GALNTL6: variants seen among roughly 807,000 people sequenced by gnomAD.
GALNTL6 encodes the protein polypeptide N-acetylgalactosaminyltransferase like 6.
GALNTL6 carries 46 observed loss-of-function variants against 73.7 expected under a neutral mutation model. That is an observed-to-expected ratio of 0.62 (90% CI 0.49 to 0.80). The LOEUF (loss-of-function observed/expected upper bound fraction) is 0.80. GALNTL6 is among the 30% of genes least tolerant of loss of function. The probability of loss-of-function intolerance (pLI) is 0.00; values close to 1 mark genes in which losing one functional copy is unlikely to be tolerated. For synonymous variants in GALNTL6, 259 were observed against 263.7 expected (o/e 0.98, Z 0.17); for missense variants, 604 against 755.0 (o/e 0.80, Z 2.34).
chr4:171,843,851 A>T (rs1735305076), intron 2 of GALNTL6, among the ~76,000 whole-genome samples: 1 of 152,188 alleles, frequency 6.6e-6, no homozygotes, highest in South Asian at 2.1e-4. Flanking sequence ...TCAATAGTGT[A>T]ATTAGTGCTG....
rs1398524407 is a variant in GALNTL6, at chr4:173,040,751, TC to T, written c.*652del. On this transcript the variant is annotated 3_prime_UTR_variant, in exon 13 of 13. Transcript: ENST00000506823. ...TTCGTTTATATTTGCCATTTTTTTTTCAGAGCAAAGTTTCTTTTTTATGAAA... is the reference window on the plus strand; with the variant it reads ...TTCGTTTATATTTGCCATTTTTTTTTAGAGCAAAGTTTCTTTTTTATGAAA... 3 of 152,634 alleles carry T rather than the reference TC, an allele frequency of 2.0e-5. No individual in the cohort carries two copies. Among genetic ancestry groups the T allele is most frequent in the African/African-American group, 7.2e-5 (3 of 41,452 alleles). 9.5% of individuals were successfully genotyped at this position (152,634 alleles called of 1,614,324 possible). A position where few individuals can be genotyped will look rare whatever the true frequency, so the allele number is the denominator to read the frequency against.
intron 4 of GALNTL6, among the ~76,000 whole-genome samples, chr4:172,329,706 A>T (rs1741060903): frequency 2.0e-5 from 3 of 152,168 alleles, no homozygotes; most frequent in African/African-American, 7.2e-5. Context: ...TAGTCACCTC[A>T]GACCCCCTAG....
At chr4:172,564,373 G>T (rs1409599468) in intron 5 of GALNTL6, among the ~76,000 whole-genome samples, 1 of 152,198 alleles carries the variant, frequency 6.6e-6, no homozygotes, top group Non-Finnish European at 1.5e-5. Flanking sequence ...GTGGGAAAAA[G>T]ATTCCTTATG....
intron 11 of GALNTL6, among the ~76,000 whole-genome samples, chr4:173,014,699 T>C (rs1348680737): frequency 6.6e-6 from 1 of 152,018 alleles, no homozygotes; most frequent in Admixed American, 6.5e-5. Flanking sequence ...AAATAAAACA[T>C]CACAATCCAG....
At chr4:172,342,762 G>A (rs974213307) in intron 4 of GALNTL6, among the ~76,000 whole-genome samples, 3 of 152,180 alleles carry the variant, frequency 2.0e-5, no homozygotes, top group Admixed American at 1.3e-4. Flanking sequence ...GATTGATTTC[G>A]CTAGTGTCAT....
At chr4:172,211,057 T>G (rs861363) in intron 2 of GALNTL6, among the ~76,000 whole-genome samples, 148,627 of 152,254 alleles carry the variant, frequency 0.98, 72,655 homozygotes, top group East Asian at 1. Context: ...TCACATCCTT[T>G]TAGGTATTGG....
chr4:172,559,147 C>T (rs919186746), intron 5 of GALNTL6, among the ~76,000 whole-genome samples: 3 of 139,128 alleles, frequency 2.2e-5, no homozygotes, highest in Admixed American at 1.5e-4. Context: ...TCACTGCAAC[C>T]TCCACCTCCC....
chr4:173,022,070 G>GGAAGGAAAGAAGGAAGGAAGGAAA (rs1561091664), intron 12 of GALNTL6, among the ~76,000 whole-genome samples: 1 of 70,040 alleles, frequency 1.4e-5, no homozygotes, highest in African/African-American at 5.9e-5. Context: ...AAGGAAGGAA[G>GGAAGGAAAGAAGGAAGGAAGGAAA]GAAGGAAGGA....
chr4:171,836,635 A>G (rs1291957265), intron 2 of GALNTL6, among the ~76,000 whole-genome samples: 3 of 152,078 alleles, frequency 2.0e-5, no homozygotes, highest in African/African-American at 4.8e-5. Flanking sequence ...CAGATTTTTA[A>G]TATTTTGTTT....
At chr4:172,991,280 T>G (rs1751524162) in intron 10 of GALNTL6, among the ~76,000 whole-genome samples, 2 of 152,236 alleles carry the variant, frequency 1.3e-5, no homozygotes, top group African/African-American at 4.8e-5. Context: ...TGTAGTTGAT[T>G]TAAAAGGCAA....
Position 172,199,740 on chromosome 4 carries a change from A to ATT in GALNTL6, c.139-29911_139-29910dup, listed in dbSNP as rs561306407. 1.4e-3 allele frequency among the ~76,000 whole-genome samples: 207 copies of ATT among 152,098 alleles called. 1 individual carries two copies. The highest frequency in any genetic ancestry group is 4.3e-3 in the African/African-American group (177 of 41,472). ...AAATAGATCATATTTACTTTGAAAG[A>ATT]TTTTTTGTTGTTGTTGTTGTTTGTT... On this transcript the variant is annotated intron_variant, in intron 2 of 12. Coordinates refer to ENST00000506823, the MANE Select transcript of GALNTL6 (RefSeq NM_001034845.3).
At chr4:172,793,574 G>A (rs1740110911) in intron 5 of GALNTL6, among the ~76,000 whole-genome samples, 3 of 152,144 alleles carry the variant, frequency 2.0e-5, no homozygotes, top group African/African-American at 7.2e-5. Flanking sequence ...TATCTTTGCT[G>A]CAGCTCAAGG....
intron 2 of GALNTL6, among the ~76,000 whole-genome samples, chr4:171,972,450 G>C (rs2111066419): frequency 6.6e-6 from 1 of 152,104 alleles, no homozygotes; most frequent in Non-Finnish European, 1.5e-5. Context: ...GTACTGAGTT[G>C]TCTTTCAGAC....
At chr4:172,662,408 G>A (rs1246050653) in intron 5 of GALNTL6, among the ~76,000 whole-genome samples, 1 of 152,166 alleles carries the variant, frequency 6.6e-6, no homozygotes, top group Non-Finnish European at 1.5e-5. Flanking sequence ...GATCAGAATG[G>A]ACCTGTGTCA....
At chr4:172,804,272 C>G (rs1427762548) in intron 5 of GALNTL6, among the ~76,000 whole-genome samples, 1 of 152,184 alleles carries the variant, frequency 6.6e-6, no homozygotes, top group Non-Finnish European at 1.5e-5. Flanking sequence ...GATTAACCAG[C>G]AAATTTTAGA....
chr4:171,866,307 T>G (rs969592442), intron 2 of GALNTL6, among the ~76,000 whole-genome samples: 1 of 152,132 alleles, frequency 6.6e-6, no homozygotes, highest in Non-Finnish European at 1.5e-5. Flanking sequence ...TTTTAAATTT[T>G]TTTTCTTAAA....
intron 3 of GALNTL6, among the ~76,000 whole-genome samples, chr4:172,286,695 G>C (rs746540899): frequency 2.0e-5 from 3 of 152,136 alleles, no homozygotes; most frequent in Non-Finnish European, 2.9e-5. Context: ...GGAAGGCAGC[G>C]ATGGTGGTTG....
chr4:172,966,687 C>T (rs532385870), intron 10 of GALNTL6, among the ~76,000 whole-genome samples: 1 of 152,322 alleles, frequency 6.6e-6, no homozygotes, highest in Non-Finnish European at 1.5e-5. Context: ...CCACCGCGCC[C>T]AGCCCAGGGA....
chr4:172,891,071 G>A (rs77916056), intron 8 of GALNTL6, among the ~76,000 whole-genome samples: 2,131 of 150,168 alleles, frequency 0.014, 50 homozygotes, highest in African/African-American at 0.049. Flanking sequence ...TGAGCCTATG[G>A]GTGTCATTAC....
Sources: gnomAD v4.1 joint callset for allele counts (sites outside exome capture counted in the v4.1 genomes callset) on GRCh38, gnomAD v4.1.1 for gene constraint, MANE v1.5 for transcripts, NCBI Gene and HGNC (gene_info 2026-07-23, HGNC 2026-07-21) for gene names.